Variants in CEACAM1 observed in about 807,000 individuals in gnomAD.
The protein encoded by CEACAM1 is CEA cell adhesion molecule 1.
A neutral mutation model predicts 49.1 loss-of-function variants in CEACAM1; 31 were observed. The observed-to-expected ratio is 0.63, with a 90% CI of 0.47 to 0.85. The LOEUF is 0.85. CEACAM1 is among the 40% of genes least tolerant of loss of function. The pLI is 0.00. For missense variants in CEACAM1, 570 were observed against 645.3 expected, an observed-to-expected ratio of 0.88 and a Z score of 1.26; for synonymous variants, 244 against 247.8, an observed-to-expected ratio of 0.98 and a Z score of 0.14.
At chr19:42,519,567 T>G in intron 4 of CEACAM1, 1 of 212,906 alleles carries the variant, frequency 4.7e-6, no homozygotes, top group Non-Finnish European at 9.0e-6. Context: ...TTTTTCCCAC[T>G]GACTTTTTTT....
intron 8 of CEACAM1, among the ~76,000 whole-genome samples, chr19:42,509,719 C>T (rs1043970886): frequency 6.6e-6 from 1 of 151,928 alleles, no homozygotes; most frequent in East Asian, 2.0e-4. Context: ...CTCTGCCTCC[C>T]GGGTTCAAGC....
At chr19:42,512,289 C>G in intron 6 of CEACAM1, 61 bp downstream of exon 6, 1 of 1,597,520 alleles carries the variant, frequency 6.3e-7, no homozygotes, top group South Asian at 1.1e-5. Flanking sequence ...GAATTCTTTC[C>G]CTCTCCCAAG....
At chr19:42,510,753 T>C in intron 8 of CEACAM1, 136 bp downstream of exon 8, 1 of 787,932 alleles carries the variant, frequency 1.3e-6, no homozygotes, top group Non-Finnish European at 2.2e-6. Flanking sequence ...ATGGGAGTGA[T>C]TACAAATACG....
At chr19:42,515,769 G>C (rs531602477) in intron 5 of CEACAM1, among the ~76,000 whole-genome samples, 3 of 152,236 alleles carry the variant, frequency 2.0e-5, no homozygotes, top group African/African-American at 7.2e-5. Flanking sequence ...AGAAATGAAA[G>C]TAAAACATTA....
intron 6 of CEACAM1, among the ~76,000 whole-genome samples, 194 bp downstream of exon 6, chr19:42,512,156 G>A (rs1237374780): frequency 6.6e-6 from 1 of 152,204 alleles, no homozygotes; most frequent in Non-Finnish European, 1.5e-5. Context: ...GAATACCCAT[G>A]TCCAAGAGAT....
intron 5 of CEACAM1, among the ~76,000 whole-genome samples, chr19:42,518,342 G>A (rs1303467763): frequency 1.3e-5 from 2 of 151,844 alleles, no homozygotes; most frequent in African/African-American, 4.8e-5. Flanking sequence ...TGAACCCAGG[G>A]GATTGAGGCG....
chr19:42,519,617 C>T (rs1018346109), intron 4 of CEACAM1, among the ~76,000 whole-genome samples: 6 of 150,708 alleles, frequency 4.0e-5, no homozygotes, highest in African/African-American at 1.5e-4. Context: ...TCACCCAGGC[C>T]GGAATGCAGT....
rs1568661017 is a variant in CEACAM1 at position 42,521,530 on chromosome 19, A to G, written c.704-9T>C. 2 of 1,611,806 alleles carry G rather than the reference A, an allele frequency of 1.2e-6. No homozygotes were observed. The highest frequency in any genetic ancestry group is 1.3e-5 in the African/African-American group (1 of 75,006). On this transcript the variant is annotated splice_polypyrimidine_tract_variant and intron_variant, in intron 3 of 8. Coordinates refer to ENST00000161559, the MANE Select transcript of CEACAM1 (RefSeq NM_001712.5). ...GGGGGTGTCCGGGCCATCTGGAGCA[A>G]AGAGAATAAAGCCACAGGTGATGTC...
rs766913973 is a variant in CEACAM1, at chr19:42,527,323, C to T, written c.142G>A (p.Gly48Arg). ...TESMPFNVAE[G>R]KEVLLLVHNL... Reference sequence around the variant, plus strand: ...TGGACAAGGAGAAGAACCTCCTTCCCCTCTGCAACATTGAATGGCATGGAT... The same window carrying T: ...TGGACAAGGAGAAGAACCTCCTTCCTCTCTGCAACATTGAATGGCATGGAT... Residue 48 changes from glycine (G) to arginine (R), a missense_variant, in exon 2 of 9, where the codon GGG becomes AGG. Gly to Arg is a moderately radical substitution (Grantham distance 125, BLOSUM62 -2). Transcript: ENST00000161559. The T allele has an allele frequency of 6.2e-7, 1 of 1,614,046 alleles. No homozygotes were observed. Among genetic ancestry groups the T allele is most frequent in the Admixed American group, 1.7e-5 (1 of 60,020 alleles).
At chr19:42,523,753 C>T (rs548548411) in intron 2 of CEACAM1, among the ~76,000 whole-genome samples, 68 of 152,154 alleles carry the variant, frequency 4.5e-4, no homozygotes, top group Non-Finnish European at 7.8e-4. Flanking sequence ...CTGGATCTAA[C>T]ACCAATTAAT....
intron 5 of CEACAM1, among the ~76,000 whole-genome samples, chr19:42,515,832 A>G (rs1157566856): frequency 6.6e-6 from 1 of 152,242 alleles, no homozygotes; most frequent in South Asian, 2.1e-4. Context: ...GAGTAATTGA[A>G]TGCCAACAAA....
chr19:42,523,498 A>T (rs537494610), intron 2 of CEACAM1, among the ~76,000 whole-genome samples: 1 of 152,196 alleles, frequency 6.6e-6, no homozygotes, highest in Non-Finnish European at 1.5e-5. Context: ...ATTTAACAGC[A>T]TATCTACGTT....
At chr19:42,525,927 A>G (rs966834475) in intron 2 of CEACAM1, 5 of 152,176 alleles carry the variant, frequency 3.3e-5, no homozygotes, top group Non-Finnish European at 7.3e-5. Flanking sequence ...TCAGCTCTGC[A>G]TAGGGGAGCT....
rs139751234 is a variant in CEACAM1 at position 42,527,041 on chromosome 19, G to A, written c.424C>T (p.Pro142Ser). Reference sequence around the variant, plus strand: ...CCAGAGGTCATGGGGAAATACTCACGGTATACATGGAACTGTCCAGTTGCT... The same window carrying A: ...CCAGAGGTCATGGGGAAATACTCACAGTATACATGGAACTGTCCAGTTGCT... ...EEATGQFHVYPELPKPSISSN... is the reference protein window; with the variant it reads ...EEATGQFHVYSELPKPSISSN... The change falls in exon 2 of 9, where the codon CCG (proline) becomes TCG (serine). Residue 142 changes from proline (P) to serine (S), a missense_variant and splice_region_variant. Physicochemically the swap from Pro to Ser is moderately conservative, Grantham distance 74 (BLOSUM62 -1). Transcript: ENST00000161559. 2.1e-5 allele frequency: 33 copies of A among 1,592,332 alleles called. No individual in the cohort carries two copies. The highest frequency in any genetic ancestry group is 4.0e-5 in the African/African-American group (3 of 74,570).
At chr19:42,515,088 G>C (rs2041566737) in intron 5 of CEACAM1, 2 of 656,296 alleles carry the variant, frequency 3.0e-6, no homozygotes, top group Non-Finnish European at 5.5e-6. Flanking sequence ...GGGTAACATG[G>C]TGAGATTCTG....
chr19:42,527,016 C>G (rs1245779139), intron 2 of CEACAM1, 25 bp downstream of exon 2: 8 of 1,579,538 alleles, frequency 5.1e-6, no homozygotes, highest in Non-Finnish European at 6.9e-6. Flanking sequence ...CCCCCAACAC[C>G]CAGAGGTCAT....
chr19:42,520,736 C>T (rs573290525), intron 4 of CEACAM1: 62 of 161,338 alleles, frequency 3.8e-4, no homozygotes, highest in African/African-American at 1.1e-3. Flanking sequence ...CACACACCTG[C>T]GTCCTACCCC....
At chr19:42,514,452 T>A (rs866934937) in intron 5 of CEACAM1, among the ~76,000 whole-genome samples, 18 of 152,230 alleles carry the variant, frequency 1.2e-4, no homozygotes, top group Non-Finnish European at 7.4e-5. Flanking sequence ...TAAAAAAAAA[T>A]AATTTTTGTA....
rs957325423 is a variant in CEACAM1 at position 42,514,281 on chromosome 19, G to A, written c.1247-1802C>T. Among the ~76,000 whole-genome samples the A allele has an allele frequency of 7.9e-5, 12 of 151,754 alleles. 1 individual carries two copies. Among genetic ancestry groups the A allele is most frequent in the Admixed American group, 7.9e-4 (12 of 15,238 alleles). ...TGAATTGCTGGGATTACAGGCATGC[G>A]CCACCACGCCTGGCTAATTTTGTAT... is the stretch of plus-strand genomic sequence containing the variant. On this transcript the variant is annotated intron_variant, in intron 5 of 8. Coordinates refer to ENST00000161559, the MANE Select transcript of CEACAM1 (RefSeq NM_001712.5).
Sources: allele counts gnomAD v4.1 joint callset (sites outside exome capture counted in the v4.1 genomes callset), GRCh38; gene constraint gnomAD v4.1.1; transcripts MANE v1.5; gene names NCBI Gene and HGNC (gene_info 2026-07-23, HGNC 2026-07-21).